Variants in AASS observed in about 807,000 individuals in gnomAD.
AASS encodes the protein aminoadipate-semialdehyde synthase, also known as alpha-aminoadipic semialdehyde synthase, mitochondrial.
Under a neutral mutation model 105.4 loss-of-function variants are expected in AASS, and 86 were observed. The observed-to-expected ratio is 0.82, with a 90% confidence interval of 0.69 to 0.98. The LOEUF (loss-of-function observed/expected upper bound fraction) is 0.98, where lower values mean the gene tolerates loss of function less well. AASS is among the 50% of genes least tolerant of loss of function. The pLI is 0.00. For synonymous variants in AASS, 381 were observed against 394.8 expected (o/e 0.96, Z 0.41); for missense variants, 1,048 against 1,143.2 (o/e 0.92, Z 1.20).
In AASS at chr7:122,125,345, T is replaced by C. The variant is rs140000894; in HGVS notation, c.472+1030A>G. On this transcript the variant is annotated intron_variant, in intron 4 of 23. Coordinates refer to ENST00000417368, the MANE Select transcript of AASS (RefSeq NM_005763.4). ...AGAATGACATAAGCCATAATAAGTGTTTGAAATGCTTGTTCCCTGGTGCCG... is the reference window on the plus strand; with the variant it reads ...AGAATGACATAAGCCATAATAAGTGCTTGAAATGCTTGTTCCCTGGTGCCG... 1.5e-3 allele frequency among the ~76,000 whole-genome samples: 222 copies of C among 152,290 alleles called. 1 individual carries two copies. The highest frequency in any genetic ancestry group is 4.9e-3 in the African/African-American group (205 of 41,556).
intron 1 of AASS, among the ~76,000 whole-genome samples, chr7:122,141,944 C>A (rs1300405128): frequency 2.0e-5 from 3 of 152,176 alleles, no homozygotes; most frequent in African/African-American, 7.2e-5. Flanking sequence ...AATAGGCACT[C>A]TGACTTATGA....
chr7:122,109,058 A>G (rs982278158), intron 11 of AASS, among the ~76,000 whole-genome samples: 1 of 152,052 alleles, frequency 6.6e-6, no homozygotes, highest in African/African-American at 2.4e-5. Context: ...CACAGCAAAA[A>G]TAAGATGCAT....
chr7:122,104,081 C>A (rs1179705652), intron 11 of AASS, among the ~76,000 whole-genome samples: 3 of 151,844 alleles, frequency 2.0e-5, no homozygotes, highest in East Asian at 1.9e-4. Flanking sequence ...AAACATTTAA[C>A]AAAATGGCAG....
chr7:122,142,915 C>T (rs1796468076), intron 1 of AASS, among the ~76,000 whole-genome samples: 1 of 152,076 alleles, frequency 6.6e-6, no homozygotes, highest in Non-Finnish European at 1.5e-5. Flanking sequence ...CTGATCACGC[C>T]ATCATCAATA....
In AASS at chr7:122,092,843, C is replaced by A. The variant is rs201088331; in HGVS notation, c.1875G>T (p.Thr625=). The change falls in exon 17 of 24, where the codon ACG becomes ACT. Residue 625 remains threonine, a splice_region_variant and synonymous_variant. Transcript: ENST00000417368. ...GCCTTTGGGTACAAATTGGGCTCAC[C>A]GTGGCTCCCACTTCCTTGGCTTTAT... ...TIDKAKEVGA[T]IESYISYCGG... is the part of the protein sequence containing the mutation. 1.9e-6 allele frequency: 3 copies of A among 1,613,126 alleles called. No homozygotes were observed. The highest frequency in any genetic ancestry group is 2.5e-6 in the Non-Finnish European group (3 of 1,179,370).
chr7:122,077,819 C>A lies in AASS; in HGVS notation c.2662+19G>T. 6 of 1,614,160 alleles carry A rather than the reference C, an allele frequency of 3.7e-6. No homozygotes were observed. The highest frequency in any genetic ancestry group is 5.1e-6 in the Non-Finnish European group (6 of 1,180,026). On this transcript the variant is annotated intron_variant, in intron 23 of 23. Transcript: ENST00000417368. ...AGGTGAAACAGAAACAGGCTTACAC[C>A]TCAAATGAACAGACTTACCATCAAG...
At chr7:122,128,172 C>A (rs1037168356) in intron 3 of AASS, among the ~76,000 whole-genome samples, 1 of 152,220 alleles carries the variant, frequency 6.6e-6, no homozygotes, top group Non-Finnish European at 1.5e-5. Context: ...ACAACTTTCT[C>A]TTCCACCATT....
rs1194903643 is a variant in AASS at position 122,113,937 on chromosome 7, AAAAGAAAG to A, written c.1044-225_1044-218del. On this transcript the variant is annotated intron_variant, in intron 9 of 23. Transcript: ENST00000417368. ...ATTTTAGTCTCCAAAAAAAAAAAAA[AAAAGAAAG>A]AAAGAAAGAAAAGAAAAAAGGAAAC... Among the ~76,000 whole-genome samples the A allele has an allele frequency of 7.9e-5, 12 of 151,002 alleles. No individual in the cohort carries two copies. The South Asian group carries it at 2.3e-3, about 29-fold the overall frequency.
At chr7:122,109,096 A>G (rs1472676668) in intron 11 of AASS, among the ~76,000 whole-genome samples, 1 of 152,006 alleles carries the variant, frequency 6.6e-6, no homozygotes, top group East Asian at 1.9e-4. Flanking sequence ...AGGAAATGAA[A>G]GATCTCTATA....
intron 11 of AASS, among the ~76,000 whole-genome samples, chr7:122,103,359 C>A (rs1354547062): frequency 6.6e-6 from 1 of 151,952 alleles, no homozygotes; most frequent in East Asian, 1.9e-4. Context: ...CTATACACAG[C>A]AAAGCTGTCC....
At chr7:122,131,776 A>G (rs1298981582) in intron 2 of AASS, among the ~76,000 whole-genome samples, 1 of 152,074 alleles carries the variant, frequency 6.6e-6, no homozygotes, top group Non-Finnish European at 1.5e-5. Context: ...CTTCTTGGTG[A>G]AATTATTAAT....
rs961250435 is a variant in AASS at position 122,091,812 on chromosome 7, A to G, written c.1907T>C (p.Leu636Pro). Residue 636 changes from leucine to proline, a missense_variant, in exon 18 of 24, where the codon CTT becomes CCT. Coordinates refer to ENST00000417368, the MANE Select transcript of AASS (RefSeq NM_005763.4). ...IESYISYCGGLPAPEHSNNPL... is the reference protein window; with the variant it reads ...IESYISYCGGPPAPEHSNNPL... ...ATTGTTTGAATGTTCAGGGGCTGGA[A>G]GCCCACCACAGTAGGAAATATATGA... 2.5e-6 allele frequency: 4 copies of G among 1,612,006 alleles called. No homozygotes were observed. The highest frequency in any genetic ancestry group is 3.4e-6 in the Non-Finnish European group (4 of 1,178,432).
At chr7:122,082,693 A>G in intron 19 of AASS, 1 of 592,742 alleles carries the variant, frequency 1.7e-6, no homozygotes, top group Admixed American at 3.2e-5. Context: ...AAAATGCGTC[A>G]CCACTGACGA....
chr7:122,140,393 G>A (rs1419792708), intron 1 of AASS, among the ~76,000 whole-genome samples: 1 of 150,260 alleles, frequency 6.7e-6, no homozygotes, highest in African/African-American at 2.5e-5. Context: ...ACTGAGGCTG[G>A]AGAATGGCGT....
At position 122,079,615 on chromosome 7, in the gene AASS, T is replaced by A; in HGVS notation, c.2378A>T (p.Gln793Leu). The A allele has an allele frequency of 6.2e-7, 1 of 1,613,598 alleles. No homozygotes were observed. ...VLKKLGGDNT[Q>L]LEAAEWLGLL... The stretch of plus-strand genomic sequence containing the variant: ...TGCCTACCATTCAGCAGCCTCCAAC[T>A]GGGTATTGTCTCCTCCTAGTTTCTT... The change falls in exon 21 of 24, where the codon CAG becomes CTG. Residue 793 changes from glutamine (Q) to leucine (L), a missense_variant. Coordinates refer to ENST00000417368, the MANE Select transcript of AASS (RefSeq NM_005763.4).
intron 1 of AASS, among the ~76,000 whole-genome samples, chr7:122,136,931 TACAG>T (rs1253988321): frequency 3.3e-5 from 5 of 152,122 alleles, no homozygotes; most frequent in Admixed American, 6.5e-5. Context: ...CAGACACAAA[TACAG>T]ACAGTCACTT....
chr7:122,084,624 G>C (rs1025144165), intron 19 of AASS, among the ~76,000 whole-genome samples: 76 of 152,068 alleles, frequency 5.0e-4, no homozygotes, highest in African/African-American at 1.4e-3. Flanking sequence ...ACCAGGGGCA[G>C]GGCTGCAGAG....
At chr7:122,140,302 G>A (rs1161304433) in intron 1 of AASS, among the ~76,000 whole-genome samples, 1 of 151,374 alleles carries the variant, frequency 6.6e-6, no homozygotes, top group Non-Finnish European at 1.5e-5. Flanking sequence ...TGGCTGACAC[G>A]GTGAAACCCC....
At chr7:122,144,028 G>T (rs1444855221) in intron 1 of AASS, 133 bp downstream of exon 1, 1 of 152,106 alleles carries the variant, frequency 6.6e-6, no homozygotes, top group African/African-American at 2.4e-5. Context: ...CGCGGCGCCG[G>T]GACCCGAAGG....
Sources: gnomAD v4.1 joint callset for allele counts (sites outside exome capture counted in the v4.1 genomes callset) on GRCh38, gnomAD v4.1.1 for gene constraint, MANE v1.5 for transcripts, NCBI Gene and HGNC (gene_info 2026-07-23, HGNC 2026-07-21) for gene names.